DIP2A: variants seen among roughly 807,000 people sequenced by gnomAD.
DIP2A encodes disco-interacting protein 2 homolog A.
Under a neutral mutation model 177.4 loss-of-function variants are expected in DIP2A, and 85 were observed. That is an observed-to-expected ratio of 0.48 (90% CI 0.40 to 0.57). The LOEUF is 0.57. Among genes scored for constraint, DIP2A ranks in the 20% least tolerant of loss-of-function variants. The pLI is 0.00. For synonymous variants in DIP2A, 886 were observed against 881.8 expected (o/e 1.00, Z -0.08); for missense variants, 1,791 against 2,100.2 (o/e 0.85, Z 2.88).
At chr21:46,565,668 C>T (rs753873080) in intron 35 of DIP2A, 45 bp from the exon 36 acceptor site, 12 of 1,561,074 alleles carry the variant, frequency 7.7e-6, no homozygotes, top group South Asian at 2.3e-5. Context: ...AATCTGAACT[C>T]GGTGGTTGGT....
intron 6 of DIP2A, among the ~76,000 whole-genome samples, chr21:46,508,468 C>T (rs1427053507): frequency 1.3e-5 from 2 of 149,626 alleles, no homozygotes; most frequent in South Asian, 2.1e-4. Flanking sequence ...ATGCCATTCT[C>T]CTGCCTCAGC....
chr21:46,525,511 A>G (rs186617598), intron 8 of DIP2A: 73 of 152,258 alleles, frequency 4.8e-4, no homozygotes, highest in African/African-American at 1.7e-3. Flanking sequence ...TTTATTTTCT[A>G]TCTTTGTGCC....
intron 6 of DIP2A, among the ~76,000 whole-genome samples, chr21:46,505,691 T>A (rs1387037070): frequency 2.6e-5 from 4 of 152,184 alleles, no homozygotes; most frequent in African/African-American, 4.8e-5. Flanking sequence ...CCCAAAAGTG[T>A]CCTTGTGTTC....
At position 46,459,032 on chromosome 21, in the gene DIP2A, A is replaced by C; in HGVS notation, c.-100A>C. ...CTCCCGCTCCTCGCCTGGCGGATGT[A>C]GGTTGTTGGCCTGAGGGGAGCTACG... On this transcript the variant is annotated 5_prime_UTR_variant, in exon 1 of 38. An upstream open reading frame in the 5' UTR loses its in-frame stop. Transcript: ENST00000417564. 2.1e-6 allele frequency: 2 copies of C among 940,006 alleles called. No individual in the cohort carries two copies. Among genetic ancestry groups the C allele is most frequent in the Non-Finnish European group, 2.9e-6 (2 of 684,522 alleles). 58.2% of individuals were successfully genotyped at this position (940,006 alleles called of 1,614,324 possible).
At position 46,541,860 on chromosome 21, in the gene DIP2A, T is replaced by TTA; in HGVS notation, c.2142_2143dup (p.Thr715IlefsTer9). 6.2e-7 allele frequency: 1 copy of TTA among 1,614,062 alleles called. No individual in the cohort carries two copies. The highest frequency in any genetic ancestry group is 8.5e-7 in the Non-Finnish European group (1 of 1,179,906). On this transcript the variant is annotated frameshift_variant, in exon 18 of 38. Transcript: ENST00000417564. LOFTEE classifies it high-confidence loss of function. ...GATACTGAAGAAAAGTTGTCAGTCC[T>TTA]TACTGTTCAGGACGTTGGTCAGGTG...
chr21:46,558,324 C>T lies in DIP2A; in HGVS notation c.3900C>T (p.Asp1300=). Residue 1300 remains aspartate, a synonymous_variant, in exon 32 of 38, where the codon GAC becomes GAT. Coordinates refer to ENST00000417564, the MANE Select transcript of DIP2A (RefSeq NM_015151.4). ...AGTCCTTCTCCAAGCTCTTCAAGGA[C>T]CTGGGCCTGCCGGCCCGCGCCGTAA... The part of the protein sequence containing the change: ...LTQSFSKLFK[D]LGLPARAVST... 6 of 1,593,788 alleles carry T rather than the reference C, an allele frequency of 3.8e-6. No homozygotes were observed. Among genetic ancestry groups the T allele is most frequent in the Non-Finnish European group, 5.1e-6 (6 of 1,172,890 alleles).
chr21:46,566,951 C>G (rs990265513), intron 37 of DIP2A, among the ~76,000 whole-genome samples: 3 of 152,238 alleles, frequency 2.0e-5, no homozygotes, highest in Admixed American at 6.5e-5. Context: ...ACCTCACTGC[C>G]TGTGTTTGGG....
chr21:46,478,390 T>G (rs1160722134), intron 1 of DIP2A, among the ~76,000 whole-genome samples: 1 of 152,036 alleles, frequency 6.6e-6, no homozygotes, highest in Non-Finnish European at 1.5e-5. Context: ...TTTTGTATTT[T>G]TAGTAGAGAT....
Position 46,555,993 on chromosome 21 carries a change from A to G in DIP2A, c.3400A>G (p.Lys1134Glu). Residue 1134 changes from lysine to glutamate, a missense_variant, in exon 29 of 38, where the codon AAA becomes GAA. Lys to Glu is a moderately conservative substitution (Grantham distance 56). Coordinates refer to ENST00000417564, the MANE Select transcript of DIP2A (RefSeq NM_015151.4). ...CTCCTGTTTAACAGATGACATCCCA[A>G]AAAAGAAGATAGCAAGCGTTTTCAG... The part of the protein sequence containing the change: ...PTILDTDDIP[K>E]KKIASVFRPP... 1 of 1,613,652 alleles carries G rather than the reference A, an allele frequency of 6.2e-7. No homozygotes were observed. The highest frequency in any genetic ancestry group is 8.5e-7 in the Non-Finnish European group (1 of 1,179,642).
At chr21:46,554,387 C>A in intron 26 of DIP2A, 95 bp downstream of exon 26, 1 of 1,564,272 alleles carries the variant, frequency 6.4e-7, no homozygotes, top group South Asian at 1.2e-5. Context: ...AAGCATCTTC[C>A]AAAACTAAGC....
intron 1 of DIP2A, among the ~76,000 whole-genome samples, chr21:46,479,145 C>T (rs753763491): frequency 1.3e-5 from 2 of 152,190 alleles, no homozygotes; most frequent in African/African-American, 2.4e-5. Context: ...GCACCTCGTC[C>T]GTGATGAGCT....
At chr21:46,572,312 G>A (rs1454325788), downstream of DIP2A, among the ~76,000 whole-genome samples, 2 of 152,170 alleles carry the variant, frequency 1.3e-5, no homozygotes, top group Non-Finnish European at 2.9e-5. Context: ...ATTATGTTTA[G>A]TGTAGTCTAA....
chr21:46,470,973 C>G (rs1387026038), intron 1 of DIP2A, among the ~76,000 whole-genome samples: 2 of 150,220 alleles, frequency 1.3e-5, no homozygotes, highest in Non-Finnish European at 3.0e-5. Context: ...GGTCACTCTT[C>G]TATGTTATAA....
chr21:46,557,759 T>C lies in DIP2A; in HGVS notation c.3798+6T>C. 1 of 1,601,284 alleles carries C rather than the reference T, an allele frequency of 6.2e-7. No individual in the cohort carries two copies. Among genetic ancestry groups the C allele is most frequent in the Non-Finnish European group, 8.6e-7 (1 of 1,169,570 alleles). On this transcript the variant is annotated splice_donor_region_variant and intron_variant, in intron 31 of 37. Transcript: ENST00000417564. This position sits in a 1 kb window ranked among gnomAD's most constrained non-coding sequence, Gnocchi z 6.0. ...CACAGACGGGTGTCCTCAGGGTGAG[T>C]GCCCAGACCCGGGCTTCTGAGTGTG...
At chr21:46,512,400 C>T (rs758426394) in intron 8 of DIP2A, among the ~76,000 whole-genome samples, 3 of 152,206 alleles carry the variant, frequency 2.0e-5, no homozygotes, top group Non-Finnish European at 4.4e-5. Context: ...GCAGTTTTCA[C>T]TCCCACAGGC....
At chr21:46,524,783 C>G (rs939441740) in intron 8 of DIP2A, among the ~76,000 whole-genome samples, 2 of 151,768 alleles carry the variant, frequency 1.3e-5, no homozygotes, top group Non-Finnish European at 2.9e-5. Flanking sequence ...AGTTCTCTCC[C>G]TCTTTGTGGC....
rs994012473 is a variant in DIP2A, at chr21:46,459,029, T to G, written c.-103T>G. 6.3e-5 allele frequency: 57 copies of G among 909,184 alleles called. No homozygotes were observed. The highest frequency in any genetic ancestry group is 7.6e-5 in the Non-Finnish European group (50 of 657,810). 56.3% of individuals were successfully genotyped at this position (909,184 alleles called of 1,614,324 possible). A position where few individuals can be genotyped will look rare whatever the true frequency, so the allele number is the denominator to read the frequency against. On this transcript the variant is annotated 5_prime_UTR_variant, in exon 1 of 38. It removes an upstream start codon present in the reference 5' UTR. Transcript: ENST00000417564. ...CGCCTCCCGCTCCTCGCCTGGCGGATGTAGGTTGTTGGCCTGAGGGGAGCT... is the reference window on the plus strand; with the variant it reads ...CGCCTCCCGCTCCTCGCCTGGCGGAGGTAGGTTGTTGGCCTGAGGGGAGCT...
At chr21:46,461,271 C>CTAAAAAAAAA (rs2054278819) in intron 1 of DIP2A, among the ~76,000 whole-genome samples, 1 of 49,312 alleles carries the variant, frequency 2.0e-5, no homozygotes, top group Non-Finnish European at 3.4e-5. Flanking sequence ...CTCTTCTCAC[C>CTAAAAAAAAA]AAAAAAAAAA....
the DIP2A span, among the ~76,000 whole-genome samples, chr21:46,581,288 C>T: frequency 6.6e-6 from 1 of 152,202 alleles, no homozygotes; most frequent in African/African-American, 2.4e-5. Flanking sequence ...TGTTTTTCAG[C>T]TCCATCAGAT....
Sources: gnomAD v4.1 joint callset for allele counts (sites outside exome capture counted in the v4.1 genomes callset) on GRCh38, gnomAD v4.1.1 for gene constraint, Gnocchi (gnomAD v3.1) non-coding constraint, MANE v1.5 for transcripts, NCBI Gene and HGNC (gene_info 2026-07-23, HGNC 2026-07-21) for gene names.